ECE1: variants seen among roughly 807,000 people sequenced by gnomAD.
The protein encoded by ECE1 is endothelin-converting enzyme 1.
ECE1 carries 35 observed loss-of-function variants against 98.6 expected under a neutral mutation model. The observed-to-expected ratio is 0.35, with a 90% CI of 0.27 to 0.47. ECE1 has a LOEUF of 0.47. ECE1 is among the 20% of genes least tolerant of loss of function. The probability of loss-of-function intolerance (pLI) is 1.00; values close to 1 mark genes in which losing one functional copy is unlikely to be tolerated. For synonymous variants in ECE1, 394 were observed against 407.1 expected (o/e 0.97, Z 0.39); for missense variants, 814 against 1,025.3 (o/e 0.79, Z 2.81).
At chr1:21,279,430 G>C in intron 2 of ECE1, 98 bp from the exon 3 acceptor site, 1 of 1,596,346 alleles carries the variant, frequency 6.3e-7, no homozygotes, top group Non-Finnish European at 8.5e-7. Flanking sequence ...GCCCTGGAGA[G>C]GCATCAGGGC....
chr1:21,343,603 T>G (rs1639442719), intron 1 of ECE1, among the ~76,000 whole-genome samples: 1 of 152,260 alleles, frequency 6.6e-6, no homozygotes, highest in Non-Finnish European at 1.5e-5. Flanking sequence ...TGGAGGTAAG[T>G]GTTATCATCT....
Position 21,236,584 on chromosome 1 carries a change from G to A in ECE1, c.1488+162C>T, listed in dbSNP as rs569966406. Among the ~76,000 whole-genome samples the A allele has an allele frequency of 2.6e-5, 4 of 152,348 alleles. No homozygotes were observed. The South Asian group carries it at 8.3e-4, about 32-fold the overall frequency. On this transcript the variant is annotated intron_variant, in intron 12 of 18. Coordinates refer to ENST00000374893, the MANE Select transcript of ECE1 (RefSeq NM_001397.3). ...GAATCGCTTGAACCCGGGAGGCGGA[G>A]GTTGCGGTGAGCCAAGATCGCACCA...
chr1:21,253,529 G>A lies in ECE1; in HGVS notation c.1020+2418C>T, dbSNP rs1019955002. Among the ~76,000 whole-genome samples the A allele has an allele frequency of 8.6e-5, 13 of 151,550 alleles. No individual in the cohort carries two copies. The South Asian group carries it at 1.3e-3, about 15-fold the overall frequency. ...TGTAATCCCAACACTCTGGGAGGCC[G>A]AGGCGGGCAACTCACGAAGACAGGA... On this transcript the variant is annotated intron_variant, in intron 8 of 18. Coordinates refer to ENST00000374893, the MANE Select transcript of ECE1 (RefSeq NM_001397.3).
At position 21,233,482 on chromosome 1, in the gene ECE1, T is replaced by G; in HGVS notation, c.1670+76A>C. On this transcript the variant is annotated intron_variant, in intron 14 of 18. Coordinates refer to ENST00000374893, the MANE Select transcript of ECE1 (RefSeq NM_001397.3). The surrounding 1 kb of genome is among the most constrained non-coding windows in gnomAD (Gnocchi z 4.0). ...GATCGGGTGCACAGTGAGGGTGCAATGAAGGCCAGTTCGTCCCAAGGCTTG... is the reference window on the plus strand; with the variant it reads ...GATCGGGTGCACAGTGAGGGTGCAAGGAAGGCCAGTTCGTCCCAAGGCTTG... 1 of 1,372,236 alleles carries G rather than the reference T, an allele frequency of 7.3e-7. No homozygotes were observed. The highest frequency in any genetic ancestry group is 1.0e-6 in the Non-Finnish European group (1 of 968,180). The allele number at this position is 1,372,236 out of a possible 1,614,324, so 85.0% of individuals were successfully genotyped here.
At chr1:21,321,354 ATC>A (rs1286239018) in intron 1 of ECE1, among the ~76,000 whole-genome samples, 1 of 152,218 alleles carries the variant, frequency 6.6e-6, no homozygotes, top group Non-Finnish European at 1.5e-5. Flanking sequence ...TCCTGGGGAA[ATC>A]TCTGTGTGAA....
intron 1 of ECE1, among the ~76,000 whole-genome samples, chr1:21,304,654 A>AGGTG (rs1239544775): frequency 1.3e-5 from 2 of 152,224 alleles, no homozygotes; most frequent in African/African-American, 4.8e-5. Flanking sequence ...TCCGAGGATG[A>AGGTG]GACTTACTGG....
Position 21,345,319 on chromosome 1 carries a change from G to A in ECE1, c.3+57C>T. 2 of 1,345,368 alleles carry A rather than the reference G, an allele frequency of 1.5e-6. No individual in the cohort carries two copies. The highest frequency in any genetic ancestry group is 1.7e-5 in the South Asian group (1 of 58,770). The allele number at this position is 1,345,368 out of a possible 1,614,324, so 83.3% of individuals were successfully genotyped here. ...CCCGGGTGCCACCCGCGGCACCGCTGCCCGCGACCGTCGAGGCTGGGCTGG... is the reference window on the plus strand; with the variant it reads ...CCCGGGTGCCACCCGCGGCACCGCTACCCGCGACCGTCGAGGCTGGGCTGG... On this transcript the variant is annotated intron_variant, in intron 1 of 18. Coordinates refer to the ECE1 transcript ENST00000415912. The surrounding 1 kb of genome is among the most constrained non-coding windows in gnomAD (Gnocchi z 5.1).
At chr1:21,245,623 C>T (rs113562931) in intron 9 of ECE1, among the ~76,000 whole-genome samples, 155 of 152,304 alleles carry the variant, frequency 1.0e-3, no homozygotes, top group African/African-American at 3.5e-3. Context: ...CTGTTGCCAC[C>T]GTTGCCAAGA....
At chr1:21,270,883 G>A (rs1457580584) in intron 4 of ECE1, among the ~76,000 whole-genome samples, 1 of 152,296 alleles carries the variant, frequency 6.6e-6, no homozygotes, top group African/African-American at 2.4e-5. Flanking sequence ...CTGAAGCAGA[G>A]GAACCGACCC....
At chr1:21,273,655 G>A (rs192207055) in intron 3 of ECE1, among the ~76,000 whole-genome samples, 90 of 152,244 alleles carry the variant, frequency 5.9e-4, no homozygotes, top group African/African-American at 2.0e-3. Flanking sequence ...AGTGACCTCA[G>A]GGAATCCTCA....
intron 1 of ECE1, among the ~76,000 whole-genome samples, chr1:21,312,122 CAAAAAA>C (rs34057869): frequency 8.8e-6 from 1 of 113,630 alleles, no homozygotes; most frequent in Non-Finnish European, 1.8e-5. Context: ...GATTCTGTCT[CAAAAAA>C]AAAAAAAAAA....
At chr1:21,288,066 C>T (rs1334696649) in intron 2 of ECE1, among the ~76,000 whole-genome samples, 2 of 152,184 alleles carry the variant, frequency 1.3e-5, no homozygotes, top group Non-Finnish European at 2.9e-5. Context: ...CTGGCTACTT[C>T]ATGTTCACTT....
At chr1:21,231,292 ACAGT>A (rs1209131343) in intron 14 of ECE1, among the ~76,000 whole-genome samples, 2 of 152,208 alleles carry the variant, frequency 1.3e-5, no homozygotes, top group African/African-American at 4.8e-5. Flanking sequence ...AAGAGCCTAG[ACAGT>A]CACTCTGCCT....
chr1:21,315,219 T>A (rs1638807337), intron 1 of ECE1, among the ~76,000 whole-genome samples: 1 of 152,186 alleles, frequency 6.6e-6, no homozygotes, highest in Non-Finnish European at 1.5e-5. Flanking sequence ...AAGTGGCAGA[T>A]CTGTAATTTG....
chr1:21,238,653 C>T (rs1361673447), intron 10 of ECE1, among the ~76,000 whole-genome samples: 1 of 152,158 alleles, frequency 6.6e-6, no homozygotes, highest in Non-Finnish European at 1.5e-5. Context: ...ACCCCCATCT[C>T]GTCCTGCCTC....
chr1:21,248,538 G>A (rs952491509), intron 8 of ECE1, among the ~76,000 whole-genome samples: 1 of 152,094 alleles, frequency 6.6e-6, no homozygotes, highest in Non-Finnish European at 1.5e-5. Context: ...TCTCCTCACA[G>A]AGGCGCCTTC....
chr1:21,278,583 T>A (rs1421286595), intron 3 of ECE1, among the ~76,000 whole-genome samples: 3 of 152,192 alleles, frequency 2.0e-5, no homozygotes, highest in Non-Finnish European at 4.4e-5. Flanking sequence ...GTGCCTCAGT[T>A]TCCTAATATG....
At chr1:21,271,696 A>T (rs2098240405) in intron 4 of ECE1, among the ~76,000 whole-genome samples, 1 of 152,066 alleles carries the variant, frequency 6.6e-6, no homozygotes, top group African/African-American at 2.4e-5. Flanking sequence ...GGCAGACGGG[A>T]ATCCAACAAA....
chr1:21,298,720 A>G, intron 1 of ECE1: 2 of 456,236 alleles, frequency 4.4e-6, no homozygotes, highest in Non-Finnish European at 8.8e-6. Context: ...TAAGTCACAC[A>G]TCTGGTAAAC....
Sources: gnomAD v4.1 joint callset for allele counts (sites outside exome capture counted in the v4.1 genomes callset) on GRCh38, gnomAD v4.1.1 for gene constraint, Gnocchi (gnomAD v3.1) non-coding constraint, MANE v1.5 for transcripts, NCBI Gene and HGNC (gene_info 2026-07-23, HGNC 2026-07-21) for gene names.